PHACTR3: variants seen among roughly 807,000 people sequenced by gnomAD.
PHACTR3 encodes phosphatase and actin regulator 3.
In PHACTR3, 16 loss-of-function variants were observed where a neutral mutation model predicts 66.8. The ratio of observed to expected loss-of-function variants is 0.24; its 90% CI spans 0.16 to 0.36. The LOEUF (loss-of-function observed/expected upper bound fraction) is 0.36. PHACTR3 is among the 10% of genes least tolerant of loss of function. The pLI is 1.00. For synonymous variants in PHACTR3, 323 were observed against 292.1 expected (o/e 1.11, Z -1.08); for missense variants, 647 against 719.9 (o/e 0.90, Z 1.16).
intron 8 of PHACTR3, among the ~76,000 whole-genome samples, chr20:59,824,058 G>A (rs543890233): frequency 6.6e-6 from 1 of 152,322 alleles, no homozygotes; most frequent in African/African-American, 2.4e-5. Context: ...GCTTCAAGAA[G>A]CCTCAACCGG....
At chr20:59,779,454 C>T (rs1377749693) in intron 7 of PHACTR3, among the ~76,000 whole-genome samples, 1 of 152,232 alleles carries the variant, frequency 6.6e-6, no homozygotes, top group Non-Finnish European at 1.5e-5. Flanking sequence ...TTGCTTCTCT[C>T]TGCAGTGTGT....
chr20:59,846,465 G>A (rs2059148271), intron 12 of PHACTR3, among the ~76,000 whole-genome samples: 1 of 152,050 alleles, frequency 6.6e-6, no homozygotes, highest in African/African-American at 2.4e-5. Context: ...TGAATGTTTA[G>A]GAAAAACAGT....
intron 1 of PHACTR3, among the ~76,000 whole-genome samples, chr20:59,622,036 G>A (rs1395891241): frequency 6.6e-6 from 1 of 152,140 alleles, no homozygotes; most frequent in Admixed American, 6.5e-5. Context: ...GGGAGAATGA[G>A]TCATTGCGTG....
chr20:59,617,545 ATTT>A (rs200116872), intron 1 of PHACTR3, among the ~76,000 whole-genome samples: 3 of 147,840 alleles, frequency 2.0e-5, no homozygotes, highest in Admixed American at 6.8e-5. Flanking sequence ...GATTCCAGTC[ATTT>A]TTTTTTTTCT....
At chr20:59,835,509 T>C (rs1173628850) in intron 8 of PHACTR3, among the ~76,000 whole-genome samples, 1 of 152,170 alleles carries the variant, frequency 6.6e-6, no homozygotes, top group Non-Finnish European at 1.5e-5. Context: ...GGGCAAAATA[T>C]TATGGCCCTA....
intron 1 of PHACTR3, among the ~76,000 whole-genome samples, chr20:59,620,254 T>G (rs933531370): frequency 6.6e-6 from 1 of 152,220 alleles, no homozygotes; most frequent in Admixed American, 6.5e-5. Flanking sequence ...CCTGCGTACC[T>G]TTCACCTATA....
At chr20:59,762,981 G>A (rs1475153593) in intron 4 of PHACTR3, among the ~76,000 whole-genome samples, 1 of 152,210 alleles carries the variant, frequency 6.6e-6, no homozygotes, top group Non-Finnish European at 1.5e-5. Context: ...GTGGGTCATG[G>A]AACACTGAAC....
intron 1 of PHACTR3, among the ~76,000 whole-genome samples, chr20:59,594,948 A>T (rs1188954611): frequency 1.3e-5 from 2 of 152,168 alleles, no homozygotes; most frequent in African/African-American, 4.8e-5. Flanking sequence ...CACTCTAAAC[A>T]TTGTTCTCAC....
At chr20:59,747,892 A>T (rs2039431694) in intron 3 of PHACTR3, 57 bp downstream of exon 3, 13 of 1,563,596 alleles carry the variant, frequency 8.3e-6, no homozygotes, top group Non-Finnish European at 1.1e-5. Flanking sequence ...GCAGAATGGA[A>T]AGTCTCACAT....
intron 8 of PHACTR3, among the ~76,000 whole-genome samples, chr20:59,828,194 C>T (rs2042249480): frequency 6.6e-6 from 1 of 151,612 alleles, no homozygotes; most frequent in Non-Finnish European, 1.5e-5. Context: ...GTGGCGTCTC[C>T]TGGAATGCAA....
At chr20:59,698,561 G>A (rs2037384329) in intron 1 of PHACTR3, among the ~76,000 whole-genome samples, 1 of 152,082 alleles carries the variant, frequency 6.6e-6, no homozygotes, top group Non-Finnish European at 1.5e-5. Flanking sequence ...GATTCCTTGT[G>A]CTTTTAGGTT....
At chr20:59,741,275 G>A (rs1341454988) in intron 1 of PHACTR3, among the ~76,000 whole-genome samples, 1 of 152,246 alleles carries the variant, frequency 6.6e-6, no homozygotes, top group East Asian at 1.9e-4. Context: ...GCTGACCATG[G>A]GAGGCTGAGC....
intron 1 of PHACTR3, among the ~76,000 whole-genome samples, chr20:59,612,292 G>A (rs1375902544): frequency 1.3e-5 from 2 of 152,090 alleles, no homozygotes; most frequent in African/African-American, 4.8e-5. Context: ...CAGGGTGTGT[G>A]CCTGCTGGGG....
intron 1 of PHACTR3, among the ~76,000 whole-genome samples, chr20:59,704,811 T>G (rs1224611843): frequency 6.6e-6 from 1 of 152,040 alleles, no homozygotes; most frequent in African/African-American, 2.4e-5. Context: ...ACAAGAAGAA[T>G]ATTATGAGTT....
chr20:59,803,077 G>C (rs2146988637), intron 7 of PHACTR3, among the ~76,000 whole-genome samples: 1 of 152,300 alleles, frequency 6.6e-6, no homozygotes, highest in Non-Finnish European at 1.5e-5. Flanking sequence ...AATGATGACA[G>C]TTTGGGGGGA....
Position 59,736,661 on chromosome 20 carries a change from C to T in PHACTR3, c.119-6446C>T, listed in dbSNP as rs1005022743. Among the ~76,000 whole-genome samples, 12 of 152,316 alleles carry T rather than the reference C, an allele frequency of 7.9e-5. No individual in the cohort carries two copies. Among genetic ancestry groups the T allele is most frequent in the African/African-American group, 2.6e-4 (11 of 41,586 alleles). ...GCCCACCAGCATCCGCAGGCCACACCGTGCCGTGGATGACCACACCTGCCC... is the reference window on the plus strand; with the variant it reads ...GCCCACCAGCATCCGCAGGCCACACTGTGCCGTGGATGACCACACCTGCCC... On this transcript the variant is annotated intron_variant, in intron 1 of 12. Coordinates refer to ENST00000371015, the MANE Select transcript of PHACTR3 (RefSeq NM_080672.5). This position sits in a 1 kb window ranked among gnomAD's most constrained non-coding sequence, Gnocchi z 4.6.
intron 1 of PHACTR3, among the ~76,000 whole-genome samples, chr20:59,640,885 G>A (rs2035076685): frequency 6.6e-6 from 1 of 152,048 alleles, no homozygotes; most frequent in South Asian, 2.1e-4. Context: ...TGTAAAAATG[G>A]ACCAAAAATG....
intron 1 of PHACTR3, among the ~76,000 whole-genome samples, chr20:59,590,515 CTGTT>C (rs1346037730): frequency 1.3e-5 from 2 of 152,106 alleles, no homozygotes; most frequent in East Asian, 3.9e-4. Flanking sequence ...TCAACTTTGC[CTGTT>C]TGTTTGTTTA....
chr20:59,608,637 C>T (rs1253955829), intron 1 of PHACTR3, among the ~76,000 whole-genome samples: 1 of 152,180 alleles, frequency 6.6e-6, no homozygotes, highest in Non-Finnish European at 1.5e-5. Context: ...CAACATGATC[C>T]CATCACTGCT....
Sources: gnomAD v4.1 joint callset for allele counts (sites outside exome capture counted in the v4.1 genomes callset) on GRCh38, gnomAD v4.1.1 for gene constraint, Gnocchi (gnomAD v3.1) non-coding constraint, MANE v1.5 for transcripts, NCBI Gene and HGNC (gene_info 2026-07-23, HGNC 2026-07-21) for gene names.